Variants in CEBPZ observed in about 807,000 individuals in gnomAD.
The protein encoded by CEBPZ is CCAAT/enhancer-binding protein zeta.
In CEBPZ, 78 loss-of-function variants were observed where a neutral mutation model predicts 104.5. The ratio of observed to expected loss-of-function variants is 0.75; its 90% confidence interval spans 0.62 to 0.90. The LOEUF (loss-of-function observed/expected upper bound fraction) is 0.90, where lower values mean the gene tolerates loss of function less well. Ranked by LOEUF, CEBPZ falls within the 40% of genes least tolerant of loss-of-function variation. CEBPZ has a pLI of 0.00. For synonymous variants in CEBPZ, 470 were observed against 427.0 expected, an observed-to-expected ratio of 1.10 and a Z score of -1.24; for missense variants, 1,439 against 1,233.5, an observed-to-expected ratio of 1.17 and a Z score of -2.50.
At chr2:37,205,148 G>A (rs1246447105) in intron 13 of CEBPZ, among the ~76,000 whole-genome samples, 2 of 152,198 alleles carry the variant, frequency 1.3e-5, no homozygotes, top group African/African-American at 4.8e-5. Context: ...ATTGACAGCA[G>A]TATTTGAAAG....
chr2:37,224,051 T>C (rs1033149179), intron 2 of CEBPZ, among the ~76,000 whole-genome samples: 2 of 152,216 alleles, frequency 1.3e-5, no homozygotes, highest in African/African-American at 4.8e-5. Context: ...TTCTTCATAG[T>C]TTCACAAACT....
rs1039861251 is a variant in CEBPZ at position 37,227,571 on chromosome 2, G to A, written c.1622C>T (p.Ser541Leu). The A allele has an allele frequency of 3.1e-6, 5 of 1,612,560 alleles. No homozygotes were observed. The African/African-American group carries it at 4.0e-5, about 13-fold the overall frequency. Residue 541 changes from serine to leucine, a missense_variant, in exon 2 of 16, where the codon TCG becomes TTG. Ser to Leu is a moderately radical substitution (Grantham distance 145). Transcript: ENST00000234170. ...FQVMNSQQTISDRYYTALYRK... is the reference protein window; with the variant it reads ...FQVMNSQQTILDRYYTALYRK... ...GTATAATGCTGTGTAATATCGATCCGATATTGTCTGCTGAGAATTCATTAC... is the reference window on the plus strand; with the variant it reads ...GTATAATGCTGTGTAATATCGATCCAATATTGTCTGCTGAGAATTCATTAC...
chr2:37,229,187 G>A (rs1243228811), intron 1 of CEBPZ, 151 bp from the exon 2 acceptor site: 1 of 639,988 alleles, frequency 1.6e-6, no homozygotes, highest in Non-Finnish European at 2.4e-6. Context: ...CAAAGGAAAG[G>A]ATAAGTAAAT....
At position 37,216,436 on chromosome 2, in the gene CEBPZ, G is replaced by C. The variant is rs933259256; in HGVS notation, c.2209-18C>G. On this transcript the variant is annotated intron_variant, in intron 6 of 15. Transcript: ENST00000234170. ...TAGTTTCCCTGAAAAGTGGAGCGGG[G>C]ATTTAAAAACTTAATTCAAATTATG... 1.9e-6 allele frequency: 3 copies of C among 1,552,840 alleles called. No homozygotes were observed. Among genetic ancestry groups the C allele is most frequent in the African/African-American group, 1.4e-5 (1 of 72,798 alleles).
At chr2:37,229,286 GA>G (rs922069057) in intron 1 of CEBPZ, among the ~76,000 whole-genome samples, 7 of 151,182 alleles carry the variant, frequency 4.6e-5, no homozygotes, top group African/African-American at 4.9e-5. Context: ...TTATAAACTG[GA>G]AAAAAAATAC....
chr2:37,212,469 T>A (rs959058526), intron 10 of CEBPZ, 77 bp from the exon 11 acceptor site: 1 of 1,233,076 alleles, frequency 8.1e-7, no homozygotes, highest in South Asian at 1.3e-5. Flanking sequence ...GAATCAATTA[T>A]TCTAAGTCAT....
rs540029654 is a variant in CEBPZ, at chr2:37,228,595, C to T, written c.598G>A (p.Asp200Asn). ...AGGGTTTTGTACTTAGATACAACAT[C>T]CTGAGGCTGGGGTTTCAAAGAATAT... ...NEYSLKPQPQ[D>N]VVSKYKTLAQ... The change falls in exon 2 of 16, where the codon GAT (aspartate) becomes AAT (asparagine). Residue 200 changes from aspartate (D) to asparagine (N), a missense_variant. Transcript: ENST00000234170. 3.7e-6 allele frequency: 6 copies of T among 1,614,166 alleles called. No individual in the cohort carries two copies. The highest frequency in any genetic ancestry group is 2.7e-5 in the African/African-American group (2 of 75,042).
intron 5 of CEBPZ, among the ~76,000 whole-genome samples, chr2:37,217,449 A>G (rs1436206414): frequency 6.6e-6 from 1 of 152,162 alleles, no homozygotes; most frequent in Non-Finnish European, 1.5e-5. Context: ...AAGCCAATAC[A>G]TTAAAAAAGT....
chr2:37,213,032 G>C (rs773514959), intron 10 of CEBPZ, among the ~76,000 whole-genome samples: 9 of 152,032 alleles, frequency 5.9e-5, no homozygotes, highest in Non-Finnish European at 1.2e-4. Context: ...GGGAGACAGA[G>C]AGAGCCTGTC....
At position 37,228,430 on chromosome 2, in the gene CEBPZ, T is replaced by G. The variant is rs745640125; in HGVS notation, c.763A>C (p.Ile255Leu). Residue 255 changes from isoleucine to leucine, a missense_variant, in exon 2 of 16, where the codon ATT becomes CTT. Transcript: ENST00000234170. ...GDRMAAMILL[I>L]QDDAVHTLQF... ...AGTGTGTGAACGGCATCATCCTGAA[T>G]AAGAAGAATCATGGCTGCCATCCTG... 3 of 1,614,124 alleles carry G rather than the reference T, an allele frequency of 1.9e-6. No individual in the cohort carries two copies. The South Asian group carries it at 3.3e-5, about 18-fold the overall frequency.
intron 13 of CEBPZ, chr2:37,210,789 A>G: frequency 4.3e-6 from 2 of 467,286 alleles, no homozygotes; most frequent in South Asian, 6.6e-5. Flanking sequence ...AAATTTTTAA[A>G]AAGTGAATGA....
At chr2:37,205,083 CGT>C (rs1338808291) in intron 13 of CEBPZ, among the ~76,000 whole-genome samples, 1 of 152,062 alleles carries the variant, frequency 6.6e-6, no homozygotes, top group Admixed American at 6.5e-5. Flanking sequence ...TGGAAGATAA[CGT>C]GTTATAATTT....
intron 12 of CEBPZ, 102 bp downstream of exon 12, chr2:37,211,740 AT>A (rs1677725806): frequency 1.2e-6 from 1 of 802,798 alleles, no homozygotes; most frequent in Non-Finnish European, 1.9e-6. Flanking sequence ...ATGAGTATTA[AT>A]TTGAATACAG....
At chr2:37,202,219 T>C (rs1032072543) in intron 15 of CEBPZ, 4 of 195,820 alleles carry the variant, frequency 2.0e-5, no homozygotes, top group Non-Finnish European at 3.0e-5. Context: ...TAAAAAAAAG[T>C]AATTTTTGTA....
intron 10 of CEBPZ, among the ~76,000 whole-genome samples, chr2:37,212,840 AAAAAAAAAAAACAAAAACAACAACAAC>A: frequency 1.3e-5 from 2 of 150,056 alleles, no homozygotes; most frequent in Non-Finnish European, 3.0e-5. Context: ...TCTATTAAAA[AAAAAAAAAAAACAAAAACAACAACAAC>A]AAAAAAAAAA....
At position 37,228,528 on chromosome 2, in the gene CEBPZ, C is replaced by T; in HGVS notation, c.665G>A (p.Ser222Asn). The T allele has an allele frequency of 5.0e-6, 8 of 1,614,170 alleles. No individual in the cohort carries two copies. The highest frequency in any genetic ancestry group is 1.3e-5 in the African/African-American group (1 of 75,024). Residue 222 changes from serine to asparagine, a missense_variant, in exon 2 of 16, where the codon AGT (serine) becomes AAT (asparagine). Coordinates refer to ENST00000234170, the MANE Select transcript of CEBPZ (RefSeq NM_005760.3). ...LYQHEINLFK[S>N]KTNSQKGASS... ...GGCTCCCTTTTGACTATTCGTCTTA[C>T]TTTTGAATAAGTTGATTTCATGCTG...
At chr2:37,211,281 T>C (rs1195725198) in intron 12 of CEBPZ, 199 bp from the exon 13 acceptor site, 1 of 396,828 alleles carries the variant, frequency 2.5e-6, no homozygotes, top group Non-Finnish European at 4.4e-6. Context: ...TCTAATATTT[T>C]GTGCAAGTAC....
intron 9 of CEBPZ, among the ~76,000 whole-genome samples, 160 bp downstream of exon 9, chr2:37,214,726 T>C (rs568428566): frequency 6.6e-6 from 1 of 152,308 alleles, no homozygotes; most frequent in East Asian, 1.9e-4. Flanking sequence ...AAATGAAGCA[T>C]TTAAAACTAA....
At chr2:37,214,110 T>C in intron 9 of CEBPZ, 149 bp from the exon 10 acceptor site, 1 of 482,640 alleles carries the variant, frequency 2.1e-6, no homozygotes, top group Non-Finnish European at 3.6e-6. Flanking sequence ...TTGTATCTAA[T>C]ATACAAAAAA....
Sources: allele counts gnomAD v4.1 joint callset (sites outside exome capture counted in the v4.1 genomes callset), GRCh38; gene constraint gnomAD v4.1.1; transcripts MANE v1.5; gene names NCBI Gene and HGNC (gene_info 2026-07-23, HGNC 2026-07-21).